Variants in SPAG16 observed in about 807,000 individuals in gnomAD.
SPAG16 encodes sperm-associated antigen 16 protein.
In SPAG16, 86 loss-of-function variants were observed where a neutral mutation model predicts 80.4. That is an observed-to-expected ratio of 1.07 (90% CI 0.90 to 1.28). SPAG16 has a LOEUF of 1.28. Ranked by LOEUF, SPAG16 falls within the 50% of genes most tolerant of loss-of-function variation. The pLI, the probability that SPAG16 is intolerant of heterozygous loss-of-function variation, is 0.00. For missense variants in SPAG16, 870 were observed against 765.3 expected (o/e 1.14, Z -1.61); for synonymous variants, 294 against 265.9 (o/e 1.11, Z -1.03).
intron 15 of SPAG16, among the ~76,000 whole-genome samples, chr2:214,362,646 C>T (rs1290582178): frequency 6.6e-6 from 1 of 151,776 alleles, no homozygotes; most frequent in Admixed American, 6.6e-5. Flanking sequence ...ATATGTTTAA[C>T]AATTACTATT....
intron 10 of SPAG16, among the ~76,000 whole-genome samples, chr2:213,660,747 T>C (rs955101424): frequency 6.6e-6 from 1 of 152,166 alleles, no homozygotes; most frequent in South Asian, 2.1e-4. Flanking sequence ...ATCGATTGCA[T>C]CTTAAACTAG....
chr2:214,210,830 T>C (rs1418583679), intron 15 of SPAG16, among the ~76,000 whole-genome samples: 1 of 148,296 alleles, frequency 6.7e-6, no homozygotes, highest in South Asian at 2.1e-4. Flanking sequence ...CACACACACA[T>C]GCGCGCGCGC....
chr2:213,407,616 A>ACAG (rs2068693422), intron 9 of SPAG16, among the ~76,000 whole-genome samples: 2 of 129,970 alleles, frequency 1.5e-5, no homozygotes, highest in Admixed American at 1.5e-4. Flanking sequence ...AGAGAGAGAG[A>ACAG]GAGAGAGAGA....
At chr2:213,765,805 G>A (rs746706305) in intron 10 of SPAG16, among the ~76,000 whole-genome samples, 37 of 152,208 alleles carry the variant, frequency 2.4e-4, no homozygotes, top group Non-Finnish European at 4.7e-4. Context: ...CAGAGGTATG[G>A]TTGTGCTGGA....
At chr2:214,342,785 A>C (rs1277910224) in intron 15 of SPAG16, among the ~76,000 whole-genome samples, 1 of 152,234 alleles carries the variant, frequency 6.6e-6, no homozygotes, top group East Asian at 1.9e-4. Context: ...CAAAATCCTT[A>C]GAAAAGAATG....
In SPAG16 at chr2:213,998,185, G is replaced by A. The variant is rs572143384; in HGVS notation, c.1401-15766G>A. ...CAAAATTTCAAGATGAATTCCAAAGGGAAGGATACTGCATTGAGGGTTAAA... is the reference window on the plus strand; with the variant it reads ...CAAAATTTCAAGATGAATTCCAAAGAGAAGGATACTGCATTGAGGGTTAAA... On this transcript the variant is annotated intron_variant, in intron 12 of 15. Transcript: ENST00000331683. Among the ~76,000 whole-genome samples the A allele has an allele frequency of 3.3e-5, 5 of 152,166 alleles. No individual in the cohort carries two copies. The South Asian group carries it at 6.2e-4, about 19-fold the overall frequency.
At chr2:214,165,469 CTTTTTTTTTTTTTTTTTTTTT>C (rs67726428) in intron 15 of SPAG16, among the ~76,000 whole-genome samples, 20 of 37,856 alleles carry the variant, frequency 5.3e-4, no homozygotes, top group African/African-American at 1.8e-3. Flanking sequence ...CATCACCATC[CTTTTTTTTTTTTTTTTTTTTT>C]TTTTTTTTTT....
chr2:213,825,701 CTTTTTTTT>C (rs55777958), intron 10 of SPAG16, among the ~76,000 whole-genome samples: 6 of 109,796 alleles, frequency 5.5e-5, no homozygotes, highest in Admixed American at 9.2e-5. Context: ...TTCTTTCTTT[CTTTTTTTT>C]TTTTTTTTTT....
At position 213,629,959 on chromosome 2, in the gene SPAG16, C is replaced by G. The variant is rs188225964; in HGVS notation, c.1070+139869C>G. On this transcript the variant is annotated intron_variant, in intron 10 of 15. Coordinates refer to ENST00000331683, the MANE Select transcript of SPAG16 (RefSeq NM_024532.5). ...GAAACTCCATCTTCTTATATTTTCC[C>G]TCCAGCCTAGGCGTGTTAACTAGTC... Among the ~76,000 whole-genome samples the G allele has an allele frequency of 6.6e-5, 10 of 152,336 alleles. No homozygotes were observed. The East Asian group carries it at 1.7e-3, about 26-fold the overall frequency.
At chr2:214,365,328 C>T (rs986072942) in intron 15 of SPAG16, among the ~76,000 whole-genome samples, 2 of 152,150 alleles carry the variant, frequency 1.3e-5, no homozygotes, top group Non-Finnish European at 2.9e-5. Context: ...ACTTGAAGAA[C>T]TGTCAGTTGG....
chr2:213,719,649 G>T lies in SPAG16; in HGVS notation c.1071-142836G>T, dbSNP rs144684654. On this transcript the variant is annotated intron_variant, in intron 10 of 15. Coordinates refer to ENST00000331683, the MANE Select transcript of SPAG16 (RefSeq NM_024532.5). ...AATTCTGGACACAATACCATCTCAT[G>T]CTAGTTAGATCGGCAATCATTAAAA... Among the ~76,000 whole-genome samples the T allele has an allele frequency of 3.0e-3, 457 of 152,282 alleles. 2 individuals carry two copies. The Middle Eastern group carries it at 0.031, about 10-fold the overall frequency.
chr2:213,312,687 G>GTAA, intron 4 of SPAG16, among the ~76,000 whole-genome samples: 1 of 151,700 alleles, frequency 6.6e-6, no homozygotes, highest in African/African-American at 2.4e-5. Flanking sequence ...GCCATCAAAA[G>GTAA]TAATAGTACA....
intron 10 of SPAG16, among the ~76,000 whole-genome samples, chr2:213,861,657 A>T (rs140906171): frequency 6.6e-6 from 1 of 152,322 alleles, no homozygotes; most frequent in East Asian, 1.9e-4. Context: ...GCATAGATGA[A>T]ACTTTATACA....
intron 15 of SPAG16, among the ~76,000 whole-genome samples, chr2:214,161,439 T>C (rs1474871104): frequency 6.6e-6 from 1 of 152,156 alleles, no homozygotes; most frequent in African/African-American, 2.4e-5. Flanking sequence ...AGCATTCTTA[T>C]TTCTACACAA....
In SPAG16 at chr2:214,038,409, A is replaced by G. The variant is rs528445519; in HGVS notation, c.1527+24332A>G. On this transcript the variant is annotated intron_variant, in intron 13 of 15. Coordinates refer to ENST00000331683, the MANE Select transcript of SPAG16 (RefSeq NM_024532.5). ...TTTGTCAGAACATATAACACACACT[A>G]TGTAGCATATAACATAAAATATTAT... Among the ~76,000 whole-genome samples the G allele has an allele frequency of 1.2e-4, 18 of 149,294 alleles. No homozygotes were observed. The South Asian group carries it at 2.3e-3, about 19-fold the overall frequency.
chr2:214,106,626 A>G (rs1244166028), intron 13 of SPAG16, among the ~76,000 whole-genome samples: 1 of 152,100 alleles, frequency 6.6e-6, no homozygotes, highest in Admixed American at 6.6e-5. Context: ...TGGTTCAGAG[A>G]TACTCCATGA....
chr2:214,291,455 G>A (rs929546967), intron 15 of SPAG16, among the ~76,000 whole-genome samples: 1 of 150,466 alleles, frequency 6.6e-6, no homozygotes, highest in Non-Finnish European at 1.5e-5. Context: ...ACAGGCGCCC[G>A]CCACTACGCC....
intron 13 of SPAG16, among the ~76,000 whole-genome samples, chr2:214,073,250 T>A (rs564167452): frequency 6.6e-6 from 1 of 151,778 alleles, no homozygotes; most frequent in Admixed American, 6.6e-5. Context: ...TTTTTTCTTT[T>A]TTTTTGAGAC....
At chr2:214,133,466 C>T (rs1330555768) in intron 14 of SPAG16, among the ~76,000 whole-genome samples, 1 of 152,046 alleles carries the variant, frequency 6.6e-6, no homozygotes, top group African/African-American at 2.4e-5. Flanking sequence ...CGAGACCAGC[C>T]TGGCCAACGT....
Sources: gnomAD v4.1 joint callset for allele counts (sites outside exome capture counted in the v4.1 genomes callset) on GRCh38, gnomAD v4.1.1 for gene constraint, MANE v1.5 for transcripts, NCBI Gene and HGNC (gene_info 2026-07-23, HGNC 2026-07-21) for gene names.